Variants in GNAS observed in about 807,000 individuals in gnomAD.
GNAS encodes the protein GNAS complex locus, also known as protein ALEX.
Under a neutral mutation model 54.5 loss-of-function variants are expected in GNAS, and 8 were observed. The ratio of observed to expected loss-of-function variants is 0.15; its 90% confidence interval spans 0.09 to 0.26. GNAS has a LOEUF of 0.26. Among genes scored for constraint, GNAS ranks in the 10% least tolerant of loss-of-function variants. The probability of loss-of-function intolerance (pLI) is 1.00; values close to 1 mark genes in which losing one functional copy is unlikely to be tolerated. For missense variants in GNAS, 170 were observed against 529.8 expected (o/e 0.32, Z 6.67); for synonymous variants, 204 against 191.4 (o/e 1.07, Z -0.54).
chr20:58,897,546 C>G (rs188320626), intron 2 of GNAS: 18 of 152,210 alleles, frequency 1.2e-4, no homozygotes, highest in Non-Finnish European at 2.2e-4. Flanking sequence ...AAATTACTGA[C>G]AGCTTCATTA....
At chr20:58,862,024 A>C (rs1324571696) in intron 1 of GNAS, among the ~76,000 whole-genome samples, 3 of 152,028 alleles carry the variant, frequency 2.0e-5, no homozygotes, top group Non-Finnish European at 4.4e-5. Flanking sequence ...TAATTCCCCC[A>C]AAAAGAGGGC....
intron 1 of GNAS, chr20:58,854,346 A>T: frequency 6.3e-7 from 1 of 1,586,308 alleles, no homozygotes; most frequent in Non-Finnish European, 8.6e-7. Context: ...AGCAGCAGAG[A>T]TGGAAGGAGC....
intron 4 of GNAS, 32 bp downstream of exon 4, chr20:58,903,617 G>A (rs755417819): frequency 4.3e-6 from 7 of 1,614,058 alleles, no homozygotes; most frequent in East Asian, 2.2e-5. Flanking sequence ...TGTCTGTCTT[G>A]TAGCGCCCTC....
In GNAS at chr20:58,855,570, G is replaced by C. The variant is rs777992406; in HGVS notation, c.43+14684G>C. On this transcript the variant is annotated intron_variant, in intron 1 of 12. Transcript: ENST00000306090. ...GCCCTCCAGGGAGAAAAGTGGTGCC[G>C]AGCGACACTGAGGGTCGTTTCCGGC... The C allele has an allele frequency of 8.4e-6, 6 of 717,936 alleles. No individual in the cohort carries two copies. In the East Asian group the frequency reaches 1.3e-4, roughly 16 times the overall value. The allele number at this position is 717,936 out of a possible 1,614,324, so 44.5% of individuals were successfully genotyped here. A position where few individuals can be genotyped will look rare whatever the true frequency, so the allele number is the denominator to read the frequency against.
rs780786163 is a variant in GNAS at position 58,909,136 on chromosome 20, C to T, written c.531-26C>T. 3 of 1,606,838 alleles carry T rather than the reference C, an allele frequency of 1.9e-6. No individual in the cohort carries two copies. The highest frequency in any genetic ancestry group is 1.7e-4 in the Middle Eastern group (1 of 6,044). ...AAATTGATGTGAGCGCTGTGAACAC[C>T]CCACGTGTCTTTCTTTTTCTCCCAG... On this transcript the variant is annotated intron_variant, in intron 6 of 12. Transcript: ENST00000371085. The surrounding 1 kb of genome is among the most constrained non-coding windows in gnomAD (Gnocchi z 7.3).
At chr20:58,871,109 T>G (rs2087413859) in intron 1 of GNAS, among the ~76,000 whole-genome samples, 1 of 152,210 alleles carries the variant, frequency 6.6e-6, no homozygotes. Context: ...GTTCTTTCAC[T>G]TGTTCAGTCC....
chr20:58,857,353 C>G lies in GNAS; in HGVS notation c.43+16467C>G, dbSNP rs1315805076. 1.3e-5 allele frequency among the ~76,000 whole-genome samples: 2 copies of G among 152,212 alleles called. No homozygotes were observed. The highest frequency in any genetic ancestry group is 2.9e-5 in the Non-Finnish European group (2 of 68,042). On this transcript the variant is annotated intron_variant, in intron 1 of 12. Coordinates refer to the GNAS transcript ENST00000306090. The surrounding 1 kb of genome is among the most constrained non-coding windows in gnomAD (Gnocchi z 4.1). Reference sequence around the variant, plus strand: ...TTAAATTTCAAATGTCTCAACTACACTAAAGCTACCAAACATTAAATGACA... The same window carrying G: ...TTAAATTTCAAATGTCTCAACTACAGTAAAGCTACCAAACATTAAATGACA...
chr20:58,843,057 ATG>A (rs1568911841), intron 1 of GNAS, among the ~76,000 whole-genome samples: 1 of 152,204 alleles, frequency 6.6e-6, no homozygotes, highest in African/African-American at 2.4e-5. Flanking sequence ...CCATGTTCAC[ATG>A]TAGCGAGGAG....
chr20:58,860,693 G>A (rs776811823), intron 1 of GNAS, among the ~76,000 whole-genome samples: 17 of 152,152 alleles, frequency 1.1e-4, no homozygotes, highest in East Asian at 7.7e-4. Context: ...ATGGAGTCTC[G>A]CTCTGTCACC....
Position 58,884,543 on chromosome 20 carries a change from T to C in GNAS, c.44-11069T>C, listed in dbSNP as rs1307128841. 4 of 152,358 alleles carry C rather than the reference T, an allele frequency of 2.6e-5. 1 individual carries two copies. The highest frequency in any genetic ancestry group is 4.1e-4 in the South Asian group (2 of 4,826). 9.4% of individuals were successfully genotyped at this position (152,358 alleles called of 1,614,324 possible). A position where few individuals can be genotyped will look rare whatever the true frequency, so the allele number is the denominator to read the frequency against. ...ATGTTGGATCAAAGTGTCATTTAAATAAGGCATCTTGTAAATAAGCAGGAA... is the reference window on the plus strand; with the variant it reads ...ATGTTGGATCAAAGTGTCATTTAAACAAGGCATCTTGTAAATAAGCAGGAA... On this transcript the variant is annotated intron_variant, in intron 1 of 12. Coordinates refer to the GNAS transcript ENST00000306090.
At chr20:58,874,640 T>TTAGCTCCTGGCCTGCCCTCC (rs1410246609) in intron 1 of GNAS, among the ~76,000 whole-genome samples, 2 of 149,186 alleles carry the variant, frequency 1.3e-5, no homozygotes, top group Non-Finnish European at 3.0e-5. Context: ...GCCTGCCTTC[T>TTAGCTCCTGGCCTGCCCTCC]ATCTTAGCTC....
intron 1 of GNAS, among the ~76,000 whole-genome samples, chr20:58,884,243 A>G (rs939173307): frequency 6.6e-6 from 1 of 152,208 alleles, no homozygotes; most frequent in African/African-American, 2.4e-5. Flanking sequence ...TTTCATTTGT[A>G]TATGTCCACA....
upstream of GNAS, among the ~76,000 whole-genome samples, chr20:58,887,768 C>A (rs1480031662): frequency 6.6e-6 from 1 of 152,166 alleles, no homozygotes; most frequent in Non-Finnish European, 1.5e-5. Context: ...GCTTCCTGTT[C>A]TTAATTCCAA....
chr20:58,850,607 C>T (rs574559187), intron 1 of GNAS: 24 of 399,030 alleles, frequency 6.0e-5, no homozygotes, highest in African/African-American at 4.5e-4. Flanking sequence ...AGTAAGCCCT[C>T]TCCTTGGGGT....
At chr20:58,890,187 G>A (rs1488710352), upstream of GNAS, among the ~76,000 whole-genome samples, 2 of 151,574 alleles carry the variant, frequency 1.3e-5, no homozygotes, top group African/African-American at 2.4e-5. Context: ...GAAGAAGATG[G>A]AGAAGATGCT....
chr20:58,855,716 G>T lies in GNAS; in HGVS notation c.43+14830G>T, dbSNP rs189998483. 224 of 634,392 alleles carry T rather than the reference G, an allele frequency of 3.5e-4. 1 individual carries two copies. The East Asian group carries it at 6.0e-3, about 17-fold the overall frequency. The allele number at this position is 634,392 out of a possible 1,614,324, so 39.3% of individuals were successfully genotyped here. The stretch of plus-strand genomic sequence containing the variant: ...CCTGGCTAGGCTGGTGGGGTCCACG[G>T]TGGGCTGGGGTCATTGGGGAAGGCG... On this transcript the variant is annotated intron_variant, in intron 1 of 12. Coordinates refer to the GNAS transcript ENST00000306090.
At chr20:58,843,162 T>C (rs1307461883) in intron 1 of GNAS, among the ~76,000 whole-genome samples, 1 of 151,882 alleles carries the variant, frequency 6.6e-6, no homozygotes, top group Non-Finnish European at 1.5e-5. Flanking sequence ...ACCTGTTACC[T>C]ACCGGCACAC....
Position 58,871,614 on chromosome 20 carries a change from A to G in GNAS, c.44-23998A>G, listed in dbSNP as rs776717266. Among the ~76,000 whole-genome samples, 277 of 122,796 alleles carry G rather than the reference A, an allele frequency of 2.3e-3. 1 individual carries two copies. Among genetic ancestry groups the G allele is most frequent in the African/African-American group, 7.5e-3 (210 of 28,060 alleles). The allele number at this position is 122,796 out of a possible 152,430, so 80.6% of individuals were successfully genotyped here. A position where few individuals can be genotyped will look rare whatever the true frequency, so the allele number is the denominator to read the frequency against. ...GGGCAACAAGAATGATACTCCGTCGAAAAAAAAAAAAAAAACAAACAACAA... is the reference window on the plus strand; with the variant it reads ...GGGCAACAAGAATGATACTCCGTCGGAAAAAAAAAAAAAAACAAACAACAA... On this transcript the variant is annotated intron_variant, in intron 1 of 12. Transcript: ENST00000306090.
chr20:58,859,311 C>T (rs6100256), intron 1 of GNAS, among the ~76,000 whole-genome samples: 1 of 152,122 alleles, frequency 6.6e-6, no homozygotes, highest in Non-Finnish European at 1.5e-5. Flanking sequence ...AGCAATTCAC[C>T]TGCCTCAGTC....
Sources: gnomAD v4.1 joint callset for allele counts (sites outside exome capture counted in the v4.1 genomes callset) on GRCh38, gnomAD v4.1.1 for gene constraint, Gnocchi (gnomAD v3.1) non-coding constraint, MANE v1.5 for transcripts, NCBI Gene and HGNC (gene_info 2026-07-23, HGNC 2026-07-21) for gene names.